GPR139: variants seen among roughly 807,000 people sequenced by gnomAD.
GPR139 encodes G protein-coupled receptor 139, also known as probable G protein-coupled receptor 139.
In GPR139, 12 loss-of-function variants were observed where a neutral mutation model predicts 25.8. That is an observed-to-expected ratio of 0.47 (90% CI 0.30 to 0.75). The LOEUF (loss-of-function observed/expected upper bound fraction) is 0.75. Ranked by LOEUF, GPR139 falls within the 30% of genes least tolerant of loss-of-function variation. The probability of loss-of-function intolerance (pLI) is 0.07; values close to 1 mark genes in which losing one functional copy is unlikely to be tolerated. For synonymous variants in GPR139, 184 were observed against 179.9 expected (o/e 1.02, Z -0.18); for missense variants, 380 against 450.2 (o/e 0.84, Z 1.41).
At position 20,032,112 on chromosome 16, in the gene GPR139, T is replaced by C. The variant is rs752066033; in HGVS notation, c.685A>G (p.Ile229Val). The C allele has an allele frequency of 6.2e-7, 1 of 1,614,122 alleles. No homozygotes were observed. Among genetic ancestry groups the C allele is most frequent in the South Asian group, 1.1e-5 (1 of 91,076 alleles). ...AAGATGGAGGTAATGGTGAACAAGA[T>C]GGCGGTGGTCTTCCCCGTGGAGTAG... is the stretch of plus-strand genomic sequence containing the variant. The part of the protein sequence containing the change: ...RGYSTGKTTA[I>V]LFTITSIFAT... The change falls in exon 2 of 2, where the codon ATC becomes GTC. Residue 229 changes from isoleucine to valine, a missense_variant. Coordinates refer to ENST00000570682, the MANE Select transcript of GPR139 (RefSeq NM_001002911.4).
At position 20,028,902 on chromosome 16, in the gene GPR139, G is replaced by T. The variant is rs1039061154; in HGVS notation, c.*2833C>A. On this transcript the variant is annotated 3_prime_UTR_variant, in exon 2 of 2. Coordinates refer to ENST00000570682, the MANE Select transcript of GPR139 (RefSeq NM_001002911.4). ...CCAGCAGCAGCCATTTACATGACAG[G>T]CTTCAAAGTTCAAGGCTTTATTGTC... 6.6e-6 allele frequency among the ~76,000 whole-genome samples: 1 copy of T among 152,076 alleles called. No individual in the cohort carries two copies. The highest frequency in any genetic ancestry group is 2.4e-5 in the African/African-American group (1 of 41,406).
chr16:20,060,356 G>A (rs1316778973), intron 1 of GPR139, among the ~76,000 whole-genome samples: 1 of 151,802 alleles, frequency 6.6e-6, no homozygotes, highest in Non-Finnish European at 1.5e-5. Context: ...GCATCTCTAT[G>A]TGTGCAAGTT....
intron 1 of GPR139, among the ~76,000 whole-genome samples, chr16:20,066,259 C>T (rs1035201637): frequency 4.6e-5 from 7 of 152,212 alleles, no homozygotes; most frequent in East Asian, 1.9e-4. Flanking sequence ...CAGATCCACA[C>T]GGAGGTTCAG....
At chr16:20,046,784 A>G (rs2057355781) in intron 1 of GPR139, among the ~76,000 whole-genome samples, 1 of 152,100 alleles carries the variant, frequency 6.6e-6, no homozygotes, top group Non-Finnish European at 1.5e-5. Flanking sequence ...CAAAGAAAAA[A>G]ATGGCCAGGC....
In GPR139 at chr16:20,073,217, T is replaced by C. The variant is rs1347385100; in HGVS notation, c.127+273A>G. On this transcript the variant is annotated intron_variant, in intron 1 of 1. Transcript: ENST00000570682. This position sits in a 1 kb window ranked among gnomAD's most constrained non-coding sequence, Gnocchi z 4.7. ...CACAAATGCACCTTCGAATCCATGC[T>C]CACATGCCCAGCCCATCGCCCGCCG... is the stretch of plus-strand genomic sequence containing the variant. Among the ~76,000 whole-genome samples the C allele has an allele frequency of 6.8e-6, 1 of 146,846 alleles. No homozygotes were observed. The highest frequency in any genetic ancestry group is 2.0e-4 in the East Asian group (1 of 4,966).
At chr16:20,038,351 G>GTT (rs1263490948) in intron 1 of GPR139, among the ~76,000 whole-genome samples, 2 of 124,508 alleles carry the variant, frequency 1.6e-5, no homozygotes. Context: ...GTGTGTGTGT[G>GTT]TGTGTGTGTG....
Position 20,032,094 on chromosome 16 carries a change from A to G in GPR139, c.703T>C (p.Ser235Pro), listed in dbSNP as rs1366271799. 2 of 1,614,188 alleles carry G rather than the reference A, an allele frequency of 1.2e-6. No homozygotes were observed. The highest frequency in any genetic ancestry group is 1.7e-6 in the Non-Finnish European group (2 of 1,180,030). The change falls in exon 2 of 2, where the codon TCC (serine) becomes CCC (proline). Residue 235 changes from serine to proline, a missense_variant. By Grantham distance (74) the Ser-to-Pro change is moderately conservative. Transcript: ENST00000570682. Reference sequence around the variant, plus strand: ...GGGGCCCAAAGTGTGGCAAAGATGGAGGTAATGGTGAACAAGATGGCGGTG... The same window carrying G: ...GGGGCCCAAAGTGTGGCAAAGATGGGGGTAATGGTGAACAAGATGGCGGTG... ...KTTAILFTIT[S>P]IFATLWAPRI...
chr16:20,041,227 AGAG>A (rs2057332521), intron 1 of GPR139, among the ~76,000 whole-genome samples: 3 of 4,706 alleles, frequency 6.4e-4, no homozygotes, highest in African/African-American at 2.4e-3. Context: ...AGAGGAGAGG[AGAG>A]GAGAGGAGAG....
At chr16:20,059,585 C>T (rs1376625280) in intron 1 of GPR139, among the ~76,000 whole-genome samples, 1 of 152,216 alleles carries the variant, frequency 6.6e-6, no homozygotes, top group African/African-American at 2.4e-5. Context: ...GTCTCCATGG[C>T]ACATGTCAGT....
At chr16:20,065,415 T>C (rs1247908505) in intron 1 of GPR139, among the ~76,000 whole-genome samples, 1 of 152,186 alleles carries the variant, frequency 6.6e-6, no homozygotes, top group Non-Finnish European at 1.5e-5. Flanking sequence ...GAATGTTGGT[T>C]ATCATTGAGG....
rs554078730 is a variant in GPR139, at chr16:20,057,534, G to A, written c.127+15956C>T. ...CATCCATCCATCCATCCATCCATCC[G>A]TCCATCCATCCATCCCTTCCTCCCT... is the stretch of plus-strand genomic sequence containing the variant. On this transcript the variant is annotated intron_variant, in intron 1 of 1. Coordinates refer to ENST00000570682, the MANE Select transcript of GPR139 (RefSeq NM_001002911.4). Among the ~76,000 whole-genome samples, 282 of 147,826 alleles carry A rather than the reference G, an allele frequency of 1.9e-3. 3 individuals are homozygous for A. The highest frequency in any genetic ancestry group is 7.0e-3 in the African/African-American group (267 of 38,138).
chr16:20,040,346 G>C (rs2057325534), intron 1 of GPR139, among the ~76,000 whole-genome samples: 1 of 152,062 alleles, frequency 6.6e-6, no homozygotes, highest in Non-Finnish European at 1.5e-5. Context: ...TTGGCCACTT[G>C]GTGTTTATAT....
intron 1 of GPR139, among the ~76,000 whole-genome samples, chr16:20,059,381 T>G (rs2057402570): frequency 6.6e-6 from 1 of 152,168 alleles, no homozygotes; most frequent in African/African-American, 2.4e-5. Context: ...CTCCCACTTT[T>G]TCATTGTACT....
rs1180132915 is a variant in GPR139, at chr16:20,073,092, G to A, written c.127+398C>T. 1.3e-5 allele frequency among the ~76,000 whole-genome samples: 2 copies of A among 152,142 alleles called. No individual in the cohort carries two copies. Among genetic ancestry groups the A allele is most frequent in the African/African-American group, 4.8e-5 (2 of 41,430 alleles). ...GTGCAGGGGCCACGGGAGAAGGGAA[G>A]CCTCCACGAAGCCTTCTGTCCAGAA... On this transcript the variant is annotated intron_variant, in intron 1 of 1. Coordinates refer to ENST00000570682, the MANE Select transcript of GPR139 (RefSeq NM_001002911.4). The surrounding 1 kb of genome is among the most constrained non-coding windows in gnomAD (Gnocchi z 4.7).
chr16:20,047,009 C>T (rs750122235), intron 1 of GPR139, among the ~76,000 whole-genome samples: 26 of 152,012 alleles, frequency 1.7e-4, no homozygotes, highest in Non-Finnish European at 3.2e-4. Context: ...AGTTAGAGGC[C>T]GCAGTGAGCT....
intron 1 of GPR139, among the ~76,000 whole-genome samples, chr16:20,051,123 C>T (rs2057370499): frequency 6.6e-6 from 1 of 151,586 alleles, no homozygotes; most frequent in Non-Finnish European, 1.5e-5. Flanking sequence ...TATTATTTTT[C>T]CCCCAAACCA....
intron 1 of GPR139, among the ~76,000 whole-genome samples, chr16:20,058,848 G>A (rs897444146): frequency 6.6e-6 from 1 of 152,208 alleles, no homozygotes; most frequent in Non-Finnish European, 1.5e-5. Flanking sequence ...ACAGCTGACA[G>A]CTAGGTCATT....
intron 1 of GPR139, among the ~76,000 whole-genome samples, chr16:20,047,473 A>G (rs1349906798): frequency 3.9e-5 from 6 of 152,202 alleles, no homozygotes; most frequent in Non-Finnish European, 1.5e-5. Context: ...ATAAACTGCA[A>G]CCAGTAACTA....
At chr16:20,063,778 G>A (rs1255420917) in intron 1 of GPR139, among the ~76,000 whole-genome samples, 2 of 152,252 alleles carry the variant, frequency 1.3e-5, no homozygotes, top group East Asian at 1.9e-4. Context: ...GTGTGATTTC[G>A]TGAAAAGTGA....
Sources: gnomAD v4.1 joint callset for allele counts (sites outside exome capture counted in the v4.1 genomes callset) on GRCh38, gnomAD v4.1.1 for gene constraint, Gnocchi (gnomAD v3.1) non-coding constraint, MANE v1.5 for transcripts, NCBI Gene and HGNC (gene_info 2026-07-23, HGNC 2026-07-21) for gene names.